The following SERPINB6 variants were observed in gnomAD, a reference collection of about 807,000 sequenced individuals.
SERPINB6 encodes the protein serpin B6.
In SERPINB6, 16 loss-of-function variants were observed where a neutral mutation model predicts 26.1. The observed-to-expected ratio is 0.61, with a 90% CI of 0.42 to 0.93. The LOEUF is 0.93. Among genes scored for constraint, SERPINB6 ranks in the 40% least tolerant of loss-of-function variants. SERPINB6 has a pLI of 0.00. For synonymous variants in SERPINB6, 174 were observed against 176.6 expected (o/e 0.99, Z 0.11); for missense variants, 420 against 478.0 (o/e 0.88, Z 1.13).
At chr6:2,951,718 A>G (rs1561672633) in intron 5 of SERPINB6, among the ~76,000 whole-genome samples, 1 of 152,212 alleles carries the variant, frequency 6.6e-6, no homozygotes, top group Non-Finnish European at 1.5e-5. Flanking sequence ...GGTACGCTCA[A>G]TACTGCAGCC....
rs116136071 is a variant in SERPINB6 at position 2,962,832 on chromosome 6, T to A, written c.-10-3490A>T. 5.7e-3 allele frequency among the ~76,000 whole-genome samples: 870 copies of A among 152,312 alleles called. 7 individuals are homozygous for A. The highest frequency in any genetic ancestry group is 0.02 in the African/African-American group (815 of 41,560). On this transcript the variant is annotated intron_variant, in intron 1 of 6. Transcript: ENST00000380539. ...AAACACCCTTACGTCAAACAGCAAG[T>A]GGTACTTCCCATGCTTCCTTAACAA...
At chr6:2,971,259 G>C in intron 1 of SERPINB6, 1 of 840,018 alleles carries the variant, frequency 1.2e-6, no homozygotes, top group Non-Finnish European at 1.4e-6. Flanking sequence ...CGGCCGCGTC[G>C]CCGTTCTCTG....
intron 1 of SERPINB6, chr6:2,971,055 G>A (rs1772108081): frequency 8.5e-7 from 1 of 1,178,070 alleles, no homozygotes. Context: ...GACTGAGCAC[G>A]CGTCCTCCGG....
intron 3 of SERPINB6, chr6:2,955,275 A>G (rs1770321633): frequency 1.9e-6 from 1 of 533,314 alleles, no homozygotes; most frequent in Admixed American, 3.2e-5. Context: ...CAACTGCTGG[A>G]TCCTTTAAGG....
chr6:2,963,053 G>A (rs183381286), intron 1 of SERPINB6, among the ~76,000 whole-genome samples: 6 of 152,250 alleles, frequency 3.9e-5, no homozygotes, highest in African/African-American at 7.2e-5. Context: ...GAGACAAAAT[G>A]AGCACAGTTA....
At chr6:2,963,350 C>G (rs1771321604) in intron 1 of SERPINB6, 1 of 152,160 alleles carries the variant, frequency 6.6e-6, no homozygotes, top group Non-Finnish European at 1.5e-5. Flanking sequence ...CTGAGAACAC[C>G]TACGTTTTAT....
At position 2,948,712 on chromosome 6, in the gene SERPINB6, A is replaced by G; in HGVS notation, c.730-13T>C. On this transcript the variant is annotated splice_polypyrimidine_tract_variant and intron_variant, in intron 6 of 6. Coordinates refer to ENST00000380539, the MANE Select transcript of SERPINB6 (RefSeq NM_004568.6). This position sits in a 1 kb window ranked among gnomAD's most constrained non-coding sequence, Gnocchi z 5.0. ...GTTCTTTCTCCACCTAGAGGGAGAC[A>G]GTTGAAGACTTTAAGACCCAGGGTG... The G allele has an allele frequency of 1.2e-6, 2 of 1,613,764 alleles. No individual in the cohort carries two copies. The highest frequency in any genetic ancestry group is 8.5e-7 in the Non-Finnish European group (1 of 1,179,670).
rs1769419389 is a variant in SERPINB6 at position 2,948,753 on chromosome 6, G to T, written c.730-54C>A. 1.3e-6 allele frequency: 2 copies of T among 1,577,912 alleles called. No homozygotes were observed. The highest frequency in any genetic ancestry group is 1.7e-6 in the Non-Finnish European group (2 of 1,147,902). On this transcript the variant is annotated intron_variant, in intron 6 of 6. Transcript: ENST00000380539. This position sits in a 1 kb window ranked among gnomAD's most constrained non-coding sequence, Gnocchi z 5.0. ...ACCCAGGGTGCTGCTGCCCAGCAGG[G>T]CCCTGTGCTATGCTGTGGATGCCAG...
intron 1 of SERPINB6, chr6:2,962,083 C>G (rs892299457): frequency 2.0e-6 from 2 of 985,354 alleles, no homozygotes; most frequent in Non-Finnish European, 2.4e-6. Flanking sequence ...TAAAACACTC[C>G]GTCTCCGGTA....
At chr6:2,952,379 T>C (rs1252021828) in intron 5 of SERPINB6, among the ~76,000 whole-genome samples, 2 of 152,174 alleles carry the variant, frequency 1.3e-5, no homozygotes, top group Non-Finnish European at 2.9e-5. Flanking sequence ...TGTTCAAAAA[T>C]TTCTATAGTT....
At chr6:2,965,380 A>T (rs1008210509) in intron 1 of SERPINB6, among the ~76,000 whole-genome samples, 4 of 152,200 alleles carry the variant, frequency 2.6e-5, no homozygotes, top group African/African-American at 9.6e-5. Flanking sequence ...AAGTTTCCCT[A>T]CTATAATACA....
intron 1 of SERPINB6, chr6:2,971,125 C>T (rs1313088508): frequency 2.9e-6 from 3 of 1,047,900 alleles, no homozygotes; most frequent in East Asian, 6.9e-5. Context: ...ACCTGTGGCC[C>T]GGGAGGCTCT....
chr6:2,971,459 C>A (rs185101557), intron 1 of SERPINB6, 74 bp downstream of exon 1: 10 of 152,580 alleles, frequency 6.6e-5, no homozygotes, highest in Non-Finnish European at 1.3e-4. Flanking sequence ...CCCGCTCGCG[C>A]CCCCGGCTTT....
chr6:2,959,269 C>A lies in SERPINB6; in HGVS notation c.64G>T (p.Asp22Tyr). Residue 22 changes from aspartate to tyrosine, a missense_variant, in exon 2 of 7, where the codon GAC becomes TAC. Physicochemically the swap from Asp to Tyr is radical, Grantham distance 160 (BLOSUM62 -3). Coordinates refer to ENST00000380539, the MANE Select transcript of SERPINB6 (RefSeq NM_004568.6). ...GAGAAAAACACATTCTTCGAGTTGT[C>A]TTTACCCAGCGTTTTCAAAAGGTTT... ...ALNLLKTLGK[D>Y]NSKNVFFSPM... 1.2e-6 allele frequency: 2 copies of A among 1,614,180 alleles called. No homozygotes were observed. The highest frequency in any genetic ancestry group is 2.2e-5 in the East Asian group (1 of 44,886).
rs1771770824 is a variant in SERPINB6, at chr6:2,967,866, C to T, written c.-11+3667G>A. On this transcript the variant is annotated intron_variant, in intron 1 of 6. Transcript: ENST00000380539. The surrounding 1 kb of genome is among the most constrained non-coding windows in gnomAD (Gnocchi z 4.3). ...TGGTGGGTGTGTAAAACAGTTCAAC[C>T]ATTGGGGAAAGCAGTGTGGCGATTC... is the stretch of plus-strand genomic sequence containing the variant. 1 of 152,216 alleles carries T rather than the reference C, an allele frequency of 6.6e-6. No homozygotes were observed. The highest frequency in any genetic ancestry group is 2.4e-5 in the African/African-American group (1 of 41,448). The allele number at this position is 152,216 out of a possible 1,614,324, so 9.4% of individuals were successfully genotyped here.
chr6:2,957,424 G>C (rs901603341), intron 2 of SERPINB6: 1 of 152,234 alleles, frequency 6.6e-6, no homozygotes, highest in Non-Finnish European at 1.5e-5. Flanking sequence ...CTTTCCAGCT[G>C]GCAAAAGATT....
chr6:2,971,261 C>A, intron 1 of SERPINB6: 3 of 843,772 alleles, frequency 3.6e-6, no homozygotes, highest in Non-Finnish European at 4.3e-6. Context: ...GCCGCGTCGC[C>A]GTTCTCTGCC....
intron 4 of SERPINB6, among the ~76,000 whole-genome samples, chr6:2,953,697 A>G (rs954762950): frequency 6.6e-6 from 1 of 152,158 alleles, no homozygotes; most frequent in African/African-American, 2.4e-5. Context: ...TTAGCTGGGC[A>G]TGGTGGTGCT....
chr6:2,969,404 A>T, intron 1 of SERPINB6: 3 of 911,594 alleles, frequency 3.3e-6, no homozygotes, highest in Non-Finnish European at 3.9e-6. Context: ...TGCAAAATTA[A>T]TTGTTTCAAA....
Sources: allele counts gnomAD v4.1 joint callset (sites outside exome capture counted in the v4.1 genomes callset), GRCh38; gene constraint gnomAD v4.1.1; non-coding constraint Gnocchi (gnomAD v3.1); transcripts MANE v1.5; gene names NCBI Gene and HGNC (gene_info 2026-07-23, HGNC 2026-07-21).